HDAC4: variants seen among roughly 807,000 people sequenced by gnomAD.
The protein encoded by HDAC4 is histone deacetylase A.
Under a neutral mutation model 135.1 loss-of-function variants are expected in HDAC4, and 16 were observed. That is an observed-to-expected ratio of 0.12 (90% confidence interval 0.08 to 0.18). The LOEUF is 0.18. Among genes scored for constraint, HDAC4 ranks in the 10% least tolerant of loss-of-function variants. HDAC4 has a pLI of 1.00. For synonymous variants in HDAC4, 685 were observed against 653.4 expected (o/e 1.05, Z -0.74); for missense variants, 1,143 against 1,511.8 (o/e 0.76, Z 4.05).
intron 15 of HDAC4, among the ~76,000 whole-genome samples, chr2:239,105,294 G>T (rs1394708164): frequency 6.6e-6 from 1 of 152,206 alleles, no homozygotes; most frequent in Non-Finnish European, 1.5e-5. Flanking sequence ...TCTCCTTCCT[G>T]GACACCGTGC....
chr2:239,259,953 G>A (rs1389178535), intron 2 of HDAC4, among the ~76,000 whole-genome samples: 1 of 152,188 alleles, frequency 6.6e-6, no homozygotes, highest in African/African-American at 2.4e-5. Flanking sequence ...CTAAGGAGAA[G>A]AGGATCTAAG....
chr2:239,185,937 G>C (rs886934765), intron 4 of HDAC4, among the ~76,000 whole-genome samples: 1 of 152,200 alleles, frequency 6.6e-6, no homozygotes, highest in Non-Finnish European at 1.5e-5. Context: ...AGGTGGCTGA[G>C]GCATGAGCAT....
In HDAC4 at chr2:239,245,395, G is replaced by C. The variant is rs916628963; in HGVS notation, c.23-8731C>G. 2.0e-5 allele frequency among the ~76,000 whole-genome samples: 3 copies of C among 152,180 alleles called. No homozygotes were observed. Among genetic ancestry groups the C allele is most frequent in the Non-Finnish European group, 4.4e-5 (3 of 68,032 alleles). On this transcript the variant is annotated intron_variant, in intron 2 of 26. Coordinates refer to ENST00000543185, the MANE Select transcript of HDAC4 (RefSeq NM_001378414.1). The surrounding 1 kb of genome is among the most constrained non-coding windows in gnomAD (Gnocchi z 4.4). The stretch of plus-strand genomic sequence containing the variant: ...ATATGCCCACCAGTCCCGATGTTTT[G>C]GTCTGGATTTGAACAACTGGCTGTA...
intron 1 of HDAC4, among the ~76,000 whole-genome samples, chr2:239,356,476 A>C (rs1376816620): frequency 6.6e-6 from 1 of 152,222 alleles, no homozygotes; most frequent in Non-Finnish European, 1.5e-5. Flanking sequence ...ACGTACAGTC[A>C]ATCTTCCCCA....
chr2:239,189,619 C>T (rs563682396), intron 4 of HDAC4, among the ~76,000 whole-genome samples: 31 of 152,292 alleles, frequency 2.0e-4, no homozygotes, highest in East Asian at 7.7e-4. Flanking sequence ...GACTTTGGAC[C>T]GCCGTTCCCA....
At position 239,090,259 on chromosome 2, in the gene HDAC4, G is replaced by C. The variant is rs929711435; in HGVS notation, c.2281-143C>G. On this transcript the variant is annotated intron_variant, in intron 17 of 26. Transcript: ENST00000543185. ...CAGAGCCAGGGCAGCTGCAGCCCAC[G>C]TTCAGCCTTCAATCTTTTTAAGACA... 2.3e-5 allele frequency: 16 copies of C among 696,544 alleles called. No homozygotes were observed. In the East Asian group the frequency reaches 4.3e-4, roughly 19 times the overall value. 43.1% of individuals were successfully genotyped at this position (696,544 alleles called of 1,614,324 possible).
chr2:239,365,158 A>G (rs760022858), intron 1 of HDAC4, among the ~76,000 whole-genome samples: 4 of 152,384 alleles, frequency 2.6e-5, no homozygotes, highest in South Asian at 2.1e-4. Context: ...AGTGAGTTTA[A>G]TAAGCACTGT....
At chr2:239,254,239 T>A (rs2048935798) in intron 2 of HDAC4, among the ~76,000 whole-genome samples, 1 of 151,470 alleles carries the variant, frequency 6.6e-6, no homozygotes. Context: ...CAAAGAAGGA[T>A]GAGAGGAAGG....
chr2:239,184,507 G>A (rs2044380733), intron 4 of HDAC4, among the ~76,000 whole-genome samples: 1 of 143,882 alleles, frequency 7.0e-6, no homozygotes, highest in Non-Finnish European at 1.5e-5. Flanking sequence ...TATGGGGGGG[G>A]GTCCCCCAGT....
rs541806713 is a variant in HDAC4 at position 239,163,823 on chromosome 2, G to A, written c.591C>T (p.Ser197=). 65 of 1,614,134 alleles carry A rather than the reference G, an allele frequency of 4.0e-5. No individual in the cohort carries two copies. The highest frequency in any genetic ancestry group is 1.7e-4 in the Admixed American group (10 of 60,028). The change falls in exon 6 of 27, where the codon AGC becomes AGT. Residue 197 remains serine (S), a synonymous_variant. Transcript: ENST00000543185. Reference sequence around the variant, plus strand: ...CTTACCCGTACCAGTAGCGAGGGTCGCTGGAAATGCAGTGGTTCAGATTCC... The same window carrying A: ...CTTACCCGTACCAGTAGCGAGGGTCACTGGAAATGCAGTGGTTCAGATTCC... The part of the protein sequence containing the change: ...AHRNLNHCIS[S]DPRYWYGKTQ...
chr2:239,266,489 C>T (rs1029070445), intron 2 of HDAC4, among the ~76,000 whole-genome samples: 1 of 152,194 alleles, frequency 6.6e-6, no homozygotes, highest in African/African-American at 2.4e-5. Flanking sequence ...GAGGTGCCTC[C>T]GGGGCTGCTG....
intron 3 of HDAC4, among the ~76,000 whole-genome samples, chr2:239,214,466 G>C (rs1346928349): frequency 1.3e-5 from 2 of 152,200 alleles, no homozygotes; most frequent in Admixed American, 1.3e-4. Flanking sequence ...ACAGTCACAG[G>C]GGCTGAGGAT....
chr2:239,398,745 C>G (rs756174083), intron 1 of HDAC4, among the ~76,000 whole-genome samples: 2 of 152,220 alleles, frequency 1.3e-5, no homozygotes, highest in Non-Finnish European at 2.9e-5. Flanking sequence ...TGCAGGGCTC[C>G]GAGGCCACAT....
chr2:239,066,728 T>A lies in HDAC4; in HGVS notation c.2997A>T (p.Gly999=), dbSNP rs746365872. Residue 999 remains glycine (G), a synonymous_variant, in exon 24 of 27, where the codon GGA becomes GGT. Coordinates refer to ENST00000543185, the MANE Select transcript of HDAC4 (RefSeq NM_001378414.1). ...GTCTCTGGGGTCTTCCTACCTCGTT[T>A]CCCAGCAAGGCAGAAACACATGCTT... The part of the protein sequence containing the change: ...ASEACVSALL[G]NELDPLPEKV... 1.2e-6 allele frequency: 2 copies of A among 1,613,788 alleles called. No individual in the cohort carries two copies. The highest frequency in any genetic ancestry group is 1.7e-6 in the Non-Finnish European group (2 of 1,180,036).
At chr2:239,298,684 C>A (rs1218842670) in intron 2 of HDAC4, 1 of 937,308 alleles carries the variant, frequency 1.1e-6, no homozygotes, top group Non-Finnish European at 1.3e-6. Context: ...CAGCACCCAA[C>A]AACGTGGAAA....
rs998809795 is a variant in HDAC4 at position 239,309,567 on chromosome 2, C to G, written c.22+43111G>C. Among the ~76,000 whole-genome samples, 2 of 152,270 alleles carry G rather than the reference C, an allele frequency of 1.3e-5. No homozygotes were observed. Among genetic ancestry groups the G allele is most frequent in the Non-Finnish European group, 2.9e-5 (2 of 68,048 alleles). On this transcript the variant is annotated intron_variant, in intron 2 of 26. Transcript: ENST00000543185. This position sits in a 1 kb window ranked among gnomAD's most constrained non-coding sequence, Gnocchi z 4.2. ...TTATCTCTGGCCTGCATTTACTTCT[C>G]CTGCACCTGGCGGGAGGCTCTGGCC...
intron 11 of HDAC4, among the ~76,000 whole-genome samples, chr2:239,127,203 C>G (rs921914997): frequency 2.0e-5 from 3 of 152,172 alleles, no homozygotes; most frequent in Admixed American, 1.3e-4. Flanking sequence ...AAGGTCTCTT[C>G]GAGCACTGAT....
intron 4 of HDAC4, among the ~76,000 whole-genome samples, chr2:239,189,257 A>T (rs925977692): frequency 6.6e-6 from 1 of 152,236 alleles, no homozygotes; most frequent in East Asian, 1.9e-4. Flanking sequence ...TGCCAACTAT[A>T]TAACTTTGCT....
chr2:239,203,433 T>C (rs180751117), intron 3 of HDAC4, among the ~76,000 whole-genome samples: 9 of 152,204 alleles, frequency 5.9e-5, no homozygotes, highest in Non-Finnish European at 1.3e-4. Context: ...GAAGGCTCAT[T>C]GGAAAATACA....
Sources: gnomAD v4.1 joint callset for allele counts (sites outside exome capture counted in the v4.1 genomes callset) on GRCh38, gnomAD v4.1.1 for gene constraint, Gnocchi (gnomAD v3.1) non-coding constraint, MANE v1.5 for transcripts, NCBI Gene and HGNC (gene_info 2026-07-23, HGNC 2026-07-21) for gene names.